ABCA9: variants seen among roughly 807,000 people sequenced by gnomAD.
ABCA9 encodes ATP-binding cassette sub-family A member 9.
In ABCA9, 183 loss-of-function variants were observed where a neutral mutation model predicts 205.3. The ratio of observed to expected loss-of-function variants is 0.89; its 90% CI spans 0.79 to 1.01. The LOEUF is 1.01. Ranked by LOEUF, ABCA9 falls within the 50% of genes least tolerant of loss-of-function variation. The pLI is 0.00. For missense variants in ABCA9, 1,805 were observed against 1,912.4 expected (o/e 0.94, Z 1.05); for synonymous variants, 651 against 683.3 (o/e 0.95, Z 0.74).
intron 22 of ABCA9, among the ~76,000 whole-genome samples, chr17:69,013,510 G>A (rs1489784259): frequency 6.6e-6 from 1 of 152,056 alleles, no homozygotes; most frequent in Non-Finnish European, 1.5e-5. Context: ...GGATACCATT[G>A]TTGATTTTCC....
Position 68,976,029 on chromosome 17 carries a change from G to T in ABCA9, c.4777-16C>A, listed in dbSNP as rs1189470910. On this transcript the variant is annotated splice_polypyrimidine_tract_variant and intron_variant, in intron 38 of 38. Coordinates refer to ENST00000340001, the MANE Select transcript of ABCA9 (RefSeq NM_080283.4). ...CCAGGAAAACCTAAAAGGAAGGAAAGAAATAAAGAGAGGAGAACAATGCCA... is the reference window on the plus strand; with the variant it reads ...CCAGGAAAACCTAAAAGGAAGGAAATAAATAAAGAGAGGAGAACAATGCCA... The T allele has an allele frequency of 3.7e-6, 6 of 1,612,260 alleles. No individual in the cohort carries two copies. The South Asian group carries it at 6.6e-5, about 18-fold the overall frequency.
intron 30 of ABCA9, 120 bp downstream of exon 30, chr17:68,989,693 G>C: frequency 4.9e-6 from 3 of 615,560 alleles, no homozygotes; most frequent in Non-Finnish European, 8.6e-6. Flanking sequence ...TAAGCAGGAG[G>C]AGCAGGCTTA....
At chr17:69,043,410 AC>A in intron 6 of ABCA9, 78 bp downstream of exon 6, 1 of 1,218,152 alleles carries the variant, frequency 8.2e-7, no homozygotes, top group East Asian at 2.4e-5. Flanking sequence ...GGGCTTGGGG[AC>A]CCCTGGTCTA....
At chr17:69,078,037 A>G in the ABCA9 span, among the ~76,000 whole-genome samples, 5 of 152,092 alleles carry the variant, frequency 3.3e-5, no homozygotes, top group Non-Finnish European at 7.4e-5. Flanking sequence ...CCTGAAAACA[A>G]TAAGTTAATG....
rs763524177 is a variant in ABCA9 at position 69,018,497 on chromosome 17, C to T, written c.2683G>A (p.Glu895Lys). 2 of 1,607,652 alleles carry T rather than the reference C, an allele frequency of 1.2e-6. No individual in the cohort carries two copies. Among genetic ancestry groups the T allele is most frequent in the South Asian group, 2.2e-5 (2 of 90,254 alleles). The part of the protein sequence containing the change: ...YESYQKSYPW[E>K]LSPNTYFLSP... ...AGGAAGTATGTATTTGGAGACAGTT[C>T]CCACGGGTAACTTTTCTGATATGAC... The change falls in exon 20 of 39, where the codon GAA (glutamate) becomes AAA (lysine). Residue 895 changes from glutamate (E) to lysine (K), a missense_variant. By Grantham distance (56) the Glu-to-Lys change is moderately conservative. Transcript: ENST00000340001.
rs948515737 is a variant in ABCA9, at chr17:68,989,174, C to T, written c.3956-56G>A. On this transcript the variant is annotated intron_variant, in intron 30 of 38. Coordinates refer to ENST00000340001, the MANE Select transcript of ABCA9 (RefSeq NM_080283.4). ...CAAATAATTGCAACAAAAATAAAAG[C>T]AAATACCATTTGAGGGCTGTGTGTC... The T allele has an allele frequency of 1.1e-5, 13 of 1,135,990 alleles. No individual in the cohort carries two copies. The African/African-American group carries it at 1.4e-4, about 12-fold the overall frequency. 70.4% of individuals were successfully genotyped at this position (1,135,990 alleles called of 1,614,324 possible).
chr17:68,976,437 CTG>C (rs2068894998), intron 37 of ABCA9, among the ~76,000 whole-genome samples: 1 of 152,290 alleles, frequency 6.6e-6, no homozygotes, highest in Admixed American at 6.5e-5. Context: ...TCCAGAGCAT[CTG>C]TGCAGAACAA....
chr17:69,073,509 C>T, the ABCA9 span, among the ~76,000 whole-genome samples: 1 of 152,172 alleles, frequency 6.6e-6, no homozygotes, highest in East Asian at 1.9e-4. Flanking sequence ...CTACTGGGTA[C>T]ATAACAAAAT....
At chr17:69,075,713 C>T in the ABCA9 span, among the ~76,000 whole-genome samples, 17 of 151,910 alleles carry the variant, frequency 1.1e-4, 1 homozygote, top group South Asian at 4.2e-4. Context: ...ATGGTTGTTT[C>T]GGCCATTCAG....
chr17:68,992,643 A>G, intron 27 of ABCA9: 1 of 212,450 alleles, frequency 4.7e-6, no homozygotes, highest in South Asian at 8.7e-5. Flanking sequence ...GAGAAACCCC[A>G]TCTCTACTAA....
Position 68,986,238 on chromosome 17 carries a change from T to C in ABCA9, c.4134A>G (p.Thr1378=), listed in dbSNP as rs1249829387. 4 of 1,613,964 alleles carry C rather than the reference T, an allele frequency of 2.5e-6. No homozygotes were observed. The highest frequency in any genetic ancestry group is 3.4e-6 in the Non-Finnish European group (4 of 1,179,974). Residue 1378 remains threonine, a synonymous_variant, in exon 32 of 39, where the codon ACA becomes ACG. Coordinates refer to ENST00000340001, the MANE Select transcript of ABCA9 (RefSeq NM_080283.4). ...CGTACACCTCCAGGTGCTGCCTCACTGTCAGGTTGGGCCACAGCGCATTCT... is the reference window on the plus strand; with the variant it reads ...CGTACACCTCCAGGTGCTGCCTCACCGTCAGGTTGGGCCACAGCGCATTCT... ...PQENALWPNL[T]VRQHLEVYAA...
At position 69,018,548 on chromosome 17, in the gene ABCA9, G is replaced by A. The variant is rs759878451; in HGVS notation, c.2632C>T (p.Gln878Ter). The change falls in exon 20 of 39, where the codon CAA (glutamine) becomes TAA (stop). Residue 878 changes from glutamine to a stop codon, truncating the protein, a stop_gained. Coordinates refer to ENST00000340001, the MANE Select transcript of ABCA9 (RefSeq NM_080283.4). LOFTEE classifies it high-confidence loss of function. ...TCGTAGAATAGATGTTCCAAAAGTTGAGGGATAAAGCTAATACCAAAAAGC... is the reference window on the plus strand; with the variant it reads ...TCGTAGAATAGATGTTCCAAAAGTTAAGGGATAAAGCTAATACCAAAAAGC... ...LLLFGISFIP[Q>*]LLEHLFYESY... 157 of 1,601,234 alleles carry A rather than the reference G, an allele frequency of 9.8e-5. 1 individual carries two copies. Among genetic ancestry groups the A allele is most frequent in the Admixed American group, 7.3e-4 (41 of 56,080 alleles).
intron 25 of ABCA9, among the ~76,000 whole-genome samples, chr17:69,003,966 T>C (rs921918172): frequency 2.6e-5 from 4 of 152,200 alleles, no homozygotes; most frequent in East Asian, 1.9e-4. Flanking sequence ...TTTTCAGCTC[T>C]ATCAGCTCCT....
chr17:69,026,593 G>C, intron 15 of ABCA9, 126 bp from the exon 16 acceptor site: 2 of 875,150 alleles, frequency 2.3e-6, no homozygotes, highest in Non-Finnish European at 3.5e-6. Context: ...CTCTAATTCT[G>C]GCCATACGTA....
In ABCA9 at chr17:68,990,813, A is replaced by G. The variant is rs760487479; in HGVS notation, c.3837+24T>C. The G allele has an allele frequency of 7.5e-6, 12 of 1,595,470 alleles. No homozygotes were observed. The South Asian group carries it at 1.3e-4, about 17-fold the overall frequency. ...TATCTGTCAGAAAAAAAAATAGTTG[A>G]CGAAGAACATTTCTGAGTTCTACCT... On this transcript the variant is annotated intron_variant, in intron 29 of 38. Transcript: ENST00000340001.
rs762709359 is a variant in ABCA9, at chr17:68,975,956, G to T, written c.4834C>A (p.Pro1612Thr). ...ELGDLEEDFD[P>T]SVKWKLLLQE... ...AGGAGGAGTTTCCACTTCACCGAGG[G>T]ATCAAAGTCCTCTTCAAGATCACCC... The change falls in exon 39 of 39, where the codon CCC becomes ACC. Residue 1612 changes from proline (P) to threonine (T), a missense_variant. Transcript: ENST00000340001. 1.2e-6 allele frequency: 2 copies of T among 1,613,520 alleles called. No homozygotes were observed. Among genetic ancestry groups the T allele is most frequent in the Non-Finnish European group, 1.7e-6 (2 of 1,179,844 alleles).
At position 69,043,507 on chromosome 17, in the gene ABCA9, AG is replaced by A; in HGVS notation, c.781del (p.Leu261SerfsTer12). 6.3e-7 allele frequency: 1 copy of A among 1,597,654 alleles called. No individual in the cohort carries two copies. Among genetic ancestry groups the A allele is most frequent in the Non-Finnish European group, 8.5e-7 (1 of 1,171,750 alleles). ...YITSLMTMMG[L>X]RESAFWLSWG... ...GATTTACCAGAATGCTGACTCTCGGAGTCCCATCATTGTCATCAATGACGTA... is the reference window on the plus strand; with the variant it reads ...GATTTACCAGAATGCTGACTCTCGGATCCCATCATTGTCATCAATGACGTA... On this transcript the variant is annotated frameshift_variant, in exon 6 of 39. Coordinates refer to ENST00000340001, the MANE Select transcript of ABCA9 (RefSeq NM_080283.4). LOFTEE classifies it high-confidence loss of function.
At chr17:69,004,387 G>A (rs984338132) in intron 25 of ABCA9, among the ~76,000 whole-genome samples, 3 of 152,200 alleles carry the variant, frequency 2.0e-5, no homozygotes, top group African/African-American at 7.2e-5. Flanking sequence ...AGTGTGAGGT[G>A]TCAGTGTGCC....
At chr17:68,991,934 C>T (rs1567920837) in intron 28 of ABCA9, among the ~76,000 whole-genome samples, 2 of 152,088 alleles carry the variant, frequency 1.3e-5, no homozygotes, top group African/African-American at 4.8e-5. Flanking sequence ...TAACTTTCCT[C>T]TATAGTAAAA....
Sources: allele counts gnomAD v4.1 joint callset (sites outside exome capture counted in the v4.1 genomes callset), GRCh38; gene constraint gnomAD v4.1.1; transcripts MANE v1.5; gene names NCBI Gene and HGNC (gene_info 2026-07-23, HGNC 2026-07-21).